Variants in ARHGEF12 observed in about 807,000 individuals in gnomAD.
ARHGEF12 encodes Rho guanine nucleotide exchange factor 12, also known as KMT2A/ARHGEF12 fusion protein.
In ARHGEF12, 66 loss-of-function variants were observed where a neutral mutation model predicts 211.2. The observed-to-expected ratio is 0.31, with a 90% confidence interval of 0.26 to 0.38. The LOEUF is 0.38. Ranked by LOEUF, ARHGEF12 falls within the 10% of genes least tolerant of loss-of-function variation. The pLI is 1.00. For missense variants in ARHGEF12, 1,429 were observed against 1,869.5 expected (o/e 0.76, Z 4.34); for synonymous variants, 592 against 638.4 (o/e 0.93, Z 1.09).
intron 27 of ARHGEF12, chr11:120,463,525 CAAAAAAAAAA>C (rs11315620): frequency 1.2e-5 from 1 of 81,686 alleles, no homozygotes; most frequent in Middle Eastern, 6.3e-3. Flanking sequence ...AACTCAGTCT[CAAAAAAAAAA>C]AAAAAAAAAA....
At chr11:120,349,237 G>C (rs954022346) in intron 1 of ARHGEF12, among the ~76,000 whole-genome samples, 61 of 152,048 alleles carry the variant, frequency 4.0e-4, no homozygotes, top group African/African-American at 1.4e-3. Flanking sequence ...AAAAGGAGAA[G>C]CTTCTCACCA....
chr11:120,457,387 G>C, intron 23 of ARHGEF12, 137 bp downstream of exon 23: 1 of 1,033,860 alleles, frequency 9.7e-7, no homozygotes, highest in Non-Finnish European at 1.3e-6. Flanking sequence ...CTACTTGGGA[G>C]GCTGAGGCAG....
At chr11:120,421,044 G>T (rs1382966615) in intron 5 of ARHGEF12, among the ~76,000 whole-genome samples, 193 bp downstream of exon 5, 1 of 152,118 alleles carries the variant, frequency 6.6e-6, no homozygotes, top group African/African-American at 2.4e-5. Flanking sequence ...GTACTTGTTA[G>T]AAAGAAATCA....
At chr11:120,382,950 T>C (rs1199583107) in intron 1 of ARHGEF12, among the ~76,000 whole-genome samples, 4 of 152,064 alleles carry the variant, frequency 2.6e-5, no homozygotes, top group East Asian at 1.9e-4. Context: ...CCATCCTGGC[T>C]AACATGGTGA....
chr11:120,479,428 ACCT>A (rs942711188), intron 37 of ARHGEF12, among the ~76,000 whole-genome samples: 4 of 152,252 alleles, frequency 2.6e-5, no homozygotes, highest in African/African-American at 9.6e-5. Flanking sequence ...TGTCTGGGTG[ACCT>A]CATAGCATAC....
In ARHGEF12 at chr11:120,342,208, G is replaced by A. The variant is rs186548707; in HGVS notation, c.32+4933G>A. ...TTTAGTAACTCTCCAGCTTGATGAA[G>A]TCAGTTGGATTTTTCTCTTACAGCA... On this transcript the variant is annotated intron_variant, in intron 1 of 40. Transcript: ENST00000397843. Among the ~76,000 whole-genome samples, 87 of 152,158 alleles carry A rather than the reference G, an allele frequency of 5.7e-4. 1 individual carries two copies. Among genetic ancestry groups the A allele is most frequent in the African/African-American group, 2.0e-3 (85 of 41,506 alleles).
In ARHGEF12 at chr11:120,486,874, T is replaced by C. The variant is rs1208755887; in HGVS notation, c.*1797T>C. On this transcript the variant is annotated 3_prime_UTR_variant, in exon 41 of 41. Coordinates refer to ENST00000397843, the MANE Select transcript of ARHGEF12 (RefSeq NM_015313.3). The stretch of plus-strand genomic sequence containing the variant: ...TGGATCTTTAGACCTCATCTATAAA[T>C]TGAAATTATATTTTTAGTCATAAGC... The C allele has an allele frequency of 4.7e-6, 1 of 212,166 alleles. No individual in the cohort carries two copies. The highest frequency in any genetic ancestry group is 9.5e-6 in the Non-Finnish European group (1 of 104,846). 13.1% of individuals were successfully genotyped at this position (212,166 alleles called of 1,614,324 possible). A position where few individuals can be genotyped will look rare whatever the true frequency, so the allele number is the denominator to read the frequency against.
chr11:120,461,020 T>G (rs1198249608), intron 27 of ARHGEF12, among the ~76,000 whole-genome samples: 1 of 152,192 alleles, frequency 6.6e-6, no homozygotes, highest in African/African-American at 2.4e-5. Flanking sequence ...TAATCCTAGT[T>G]TTTTTGCAGT....
chr11:120,337,829 G>A, intron 1 of ARHGEF12: 1 of 985,404 alleles, frequency 1.0e-6, no homozygotes, highest in Non-Finnish European at 1.2e-6. Context: ...TAAATCACAG[G>A]TTCTTGCTGG....
intron 21 of ARHGEF12, 34 bp downstream of exon 21, chr11:120,449,248 A>C: frequency 6.5e-7 from 1 of 1,547,118 alleles, no homozygotes; most frequent in Non-Finnish European, 8.9e-7. Context: ...CATTTTCAGT[A>C]CTCCAGGCCC....
At chr11:120,365,487 T>G (rs1190574430) in intron 1 of ARHGEF12, among the ~76,000 whole-genome samples, 1 of 152,232 alleles carries the variant, frequency 6.6e-6, no homozygotes, top group Non-Finnish European at 1.5e-5. Context: ...TCTGGGTGTT[T>G]AAATGTAATA....
At chr11:120,434,512 A>G (rs1945637927) in intron 11 of ARHGEF12, among the ~76,000 whole-genome samples, 1 of 152,208 alleles carries the variant, frequency 6.6e-6, no homozygotes, top group Non-Finnish European at 1.5e-5. Context: ...TTTCAATTTT[A>G]AGTATGGAGG....
chr11:120,481,916 C>A (rs531540976), intron 39 of ARHGEF12, among the ~76,000 whole-genome samples: 3 of 152,052 alleles, frequency 2.0e-5, no homozygotes, highest in Admixed American at 6.5e-5. Flanking sequence ...CCCGCCCCCA[C>A]GCCCAGCTAA....
chr11:120,441,483 C>A (rs1455630119), intron 13 of ARHGEF12, among the ~76,000 whole-genome samples: 1 of 152,242 alleles, frequency 6.6e-6, no homozygotes, highest in Non-Finnish European at 1.5e-5. Flanking sequence ...TTTCCGTTCT[C>A]CCACAGTGGT....
At position 120,489,692 on chromosome 11, in the gene ARHGEF12, G is replaced by A. The variant is rs1947484289; in HGVS notation, c.*4615G>A. ...ACGGAGCTAATAAGCGTAATAAAAT[G>A]CTTAGTAGTTTATACCATCTTTTAG... On this transcript the variant is annotated 3_prime_UTR_variant, in exon 41 of 41. Transcript: ENST00000397843. The A allele has an allele frequency of 9.7e-6, 2 of 207,012 alleles. No individual in the cohort carries two copies. The highest frequency in any genetic ancestry group is 1.5e-4 in the East Asian group (2 of 13,702). 12.8% of individuals were successfully genotyped at this position (207,012 alleles called of 1,614,324 possible). A position where few individuals can be genotyped will look rare whatever the true frequency, so the allele number is the denominator to read the frequency against.
intron 20 of ARHGEF12, 90 bp downstream of exon 20, chr11:120,448,438 A>G: frequency 1.1e-6 from 1 of 905,954 alleles, no homozygotes; most frequent in South Asian, 1.6e-5. Flanking sequence ...GTATTTACTT[A>G]ATCAGCAAAT....
Position 120,451,571 on chromosome 11 carries a change from T to C in ARHGEF12, c.1903T>C (p.Ser635Pro), listed in dbSNP as rs1198768720. The part of the protein sequence containing the change: ...RHPKHLSTPS[S>P]VSPEPQDSAK... ...CCCTAAGCACTTATCCACACCCTCATCTGTGAGTCCTGAACCTCAGGACTC... is the reference window on the plus strand; with the variant it reads ...CCCTAAGCACTTATCCACACCCTCACCTGTGAGTCCTGAACCTCAGGACTC... Residue 635 changes from serine (S) to proline (P), a missense_variant, in exon 22 of 41, where the codon TCT becomes CCT. Ser to Pro is a moderately conservative substitution (Grantham distance 74, BLOSUM62 -1). Around this residue, in one of 7 missense-constraint regions of ARHGEF12, gnomAD observed 373 missense variants for 467.5 expected, o/e 0.80. Coordinates refer to ENST00000397843, the MANE Select transcript of ARHGEF12 (RefSeq NM_015313.3). The C allele has an allele frequency of 6.2e-7, 1 of 1,614,136 alleles. No homozygotes were observed.
At chr11:120,377,617 G>A (rs1293516987) in intron 1 of ARHGEF12, among the ~76,000 whole-genome samples, 1 of 152,148 alleles carries the variant, frequency 6.6e-6, no homozygotes, top group Non-Finnish European at 1.5e-5. Flanking sequence ...TTACAGGCAT[G>A]AGCCACTATG....
chr11:120,386,435 G>A (rs1414261703), intron 1 of ARHGEF12, among the ~76,000 whole-genome samples: 5 of 152,104 alleles, frequency 3.3e-5, no homozygotes, highest in Admixed American at 6.5e-5. Flanking sequence ...ATGTTGAAGC[G>A]TACTATGGAG....
Sources: allele counts gnomAD v4.1 joint callset (sites outside exome capture counted in the v4.1 genomes callset), GRCh38; gene constraint gnomAD v4.1.1; regional missense constraint gnomAD v4.1.1; transcripts MANE v1.5; gene names NCBI Gene and HGNC (gene_info 2026-07-23, HGNC 2026-07-21).